Variants in INSRR observed in about 807,000 individuals in gnomAD.
INSRR encodes insulin receptor related receptor.
Under a neutral mutation model 130.0 loss-of-function variants are expected in INSRR, and 114 were observed. The ratio of observed to expected loss-of-function variants is 0.88; its 90% confidence interval spans 0.75 to 1.02. The LOEUF (loss-of-function observed/expected upper bound fraction) is 1.02, where lower values mean the gene tolerates loss of function less well. Among genes scored for constraint, INSRR ranks in the 50% least tolerant of loss-of-function variants. The probability of loss-of-function intolerance (pLI) is 0.00; values close to 1 mark genes in which losing one functional copy is unlikely to be tolerated. For synonymous variants in INSRR, 674 were observed against 705.2 expected (o/e 0.96, Z 0.70); for missense variants, 1,657 against 1,735.2 (o/e 0.95, Z 0.80).
intron 5 of INSRR, among the ~76,000 whole-genome samples, chr1:156,849,670 T>A (rs1405138436): frequency 7.9e-5 from 12 of 152,154 alleles, no homozygotes; most frequent in Admixed American, 7.9e-4. Context: ...TCACCCCATC[T>A]TTTGGTTTTC....
At position 156,858,864 on chromosome 1, in the gene INSRR, A is replaced by C; in HGVS notation, c.-243T>G. ...GAGAGACTCAGCATGAGATTGAGAG[A>C]TGGGGACAGAGATGCAGACAGTGAC... On this transcript the variant is annotated 5_prime_UTR_variant, in exon 1 of 22. Coordinates refer to ENST00000368195, the MANE Select transcript of INSRR (RefSeq NM_014215.3). 1 of 556,718 alleles carries C rather than the reference A, an allele frequency of 1.8e-6. No homozygotes were observed. Among genetic ancestry groups the C allele is most frequent in the South Asian group, 2.1e-5 (1 of 46,806 alleles). 34.5% of individuals were successfully genotyped at this position (556,718 alleles called of 1,614,324 possible).
rs999102344 is a variant in INSRR, at chr1:156,851,668, G to A, written c.1062C>T (p.Leu354=). ...GACAGCCCTGGCGAAGGTTGAGGAT[G>A]AGGCTTCCCTCCACATGCGTGCAGC... is the stretch of plus-strand genomic sequence containing the variant. ...LVGCTHVEGS[L]ILNLRQGYNL... Residue 354 remains leucine, a synonymous_variant, in exon 4 of 22, where the codon CTC becomes CTT. Coordinates refer to ENST00000368195, the MANE Select transcript of INSRR (RefSeq NM_014215.3). 3.1e-6 allele frequency: 5 copies of A among 1,614,092 alleles called. No individual in the cohort carries two copies. Among genetic ancestry groups the A allele is most frequent in the Non-Finnish European group, 4.2e-6 (5 of 1,180,030 alleles).
chr1:156,845,867 A>C, intron 9 of INSRR, 53 bp from the exon 10 acceptor site: 1 of 1,601,156 alleles, frequency 6.2e-7, no homozygotes, highest in South Asian at 1.1e-5. Flanking sequence ...CCCGCCTCTG[A>C]TCCCCCCCAC....
intron 1 of INSRR, among the ~76,000 whole-genome samples, chr1:156,856,992 C>T (rs1655426340): frequency 6.6e-6 from 1 of 152,154 alleles, no homozygotes; most frequent in African/African-American, 2.4e-5. Flanking sequence ...CCCACCGAGC[C>T]CTCCGGTGTT....
At chr1:156,848,693 A>G (rs1038938868) in intron 7 of INSRR, among the ~76,000 whole-genome samples, 2 of 152,236 alleles carry the variant, frequency 1.3e-5, no homozygotes, top group Non-Finnish European at 2.9e-5. Context: ...GGCTCTCAGA[A>G]GCCCTGTCTT....
rs1241059654 is a variant in INSRR, at chr1:156,851,765, C to T, written c.965G>A (p.Gly322Glu). ...TACCTTGCACTCTTTAGGGCACAGC[C>T]CCTCGCACTTGTGGCAGAATATGCT... ...SSSIFCHKCEGLCPKECKVGT... is the reference protein window; with the variant it reads ...SSSIFCHKCEELCPKECKVGT... Residue 322 changes from glycine (G) to glutamate (E), a missense_variant, in exon 4 of 22, where the codon GGG (glycine) becomes GAG (glutamate). Transcript: ENST00000368195. 1 of 1,611,478 alleles carries T rather than the reference C, an allele frequency of 6.2e-7. No individual in the cohort carries two copies. Among genetic ancestry groups the T allele is most frequent in the Non-Finnish European group, 8.5e-7 (1 of 1,177,808 alleles).
At position 156,846,130 on chromosome 1, in the gene INSRR, G is replaced by C; in HGVS notation, c.1811-11C>G. On this transcript the variant is annotated splice_polypyrimidine_tract_variant and intron_variant, in intron 8 of 21. Coordinates refer to ENST00000368195, the MANE Select transcript of INSRR (RefSeq NM_014215.3). ...GGGGCACCGTGGGAGCTAGGAGTGCGAGAAGGATGCAACTCAGGGGTGTGG... is the reference window on the plus strand; with the variant it reads ...GGGGCACCGTGGGAGCTAGGAGTGCCAGAAGGATGCAACTCAGGGGTGTGG... The C allele has an allele frequency of 6.3e-7, 1 of 1,576,138 alleles. No homozygotes were observed. The highest frequency in any genetic ancestry group is 8.6e-7 in the Non-Finnish European group (1 of 1,161,138).
chr1:156,846,620 T>A lies in INSRR; in HGVS notation c.1709A>T (p.Gln570Leu), dbSNP rs752530173. Residue 570 changes from glutamine to leucine, a missense_variant, in exon 8 of 22, where the codon CAG becomes CTG. By Grantham distance (113) the Gln-to-Leu change is moderately radical. Transcript: ENST00000368195. ...GATGGCCCGCACAAACACTGCGTAC[T>A]GTGTCCAAGGCTTGAGGGAGGCTAG... The part of the protein sequence containing the change: ...VTLASLKPWT[Q>L]YAVFVRAITL... The A allele has an allele frequency of 2.5e-6, 4 of 1,614,184 alleles. No homozygotes were observed. The highest frequency in any genetic ancestry group is 3.4e-6 in the Non-Finnish European group (4 of 1,180,024).
chr1:156,855,243 G>A (rs371082399), intron 1 of INSRR, among the ~76,000 whole-genome samples: 7 of 141,316 alleles, frequency 5.0e-5, no homozygotes, highest in African/African-American at 5.2e-5. Context: ...TCACTCTGTC[G>A]CCCAGGCTAG....
At chr1:156,852,680 A>G (rs1348983783) in intron 2 of INSRR, among the ~76,000 whole-genome samples, 2 of 152,224 alleles carry the variant, frequency 1.3e-5, no homozygotes, top group East Asian at 1.9e-4. Context: ...AGGTGGCTCC[A>G]AGCAGCAGTG....
rs146825319 is a variant in INSRR at position 156,843,208 on chromosome 1, C to A, written c.2922G>T (p.Val974=). 6.2e-6 allele frequency: 10 copies of A among 1,614,126 alleles called. No individual in the cohort carries two copies. In the East Asian group the frequency reaches 2.0e-4, roughly 32 times the overall value. ...GGATTATCGAGATCTGCTCCCGAGG[C>A]ACCTCCCATTCATCAGGGACATACA... ...SDMYVPDEWE[V]PREQISIIRE... is the part of the protein sequence containing the mutation. Residue 974 remains valine (V), a synonymous_variant, in exon 17 of 22, where the codon GTG becomes GTT. Coordinates refer to ENST00000368195, the MANE Select transcript of INSRR (RefSeq NM_014215.3).
rs866853678 is a variant in INSRR, at chr1:156,846,840, T to C, written c.1572-83A>G. The C allele has an allele frequency of 1.9e-5, 21 of 1,127,082 alleles. No homozygotes were observed. The Middle Eastern group carries it at 1.2e-3, about 66-fold the overall frequency. 69.8% of individuals were successfully genotyped at this position (1,127,082 alleles called of 1,614,324 possible). A position where few individuals can be genotyped will look rare whatever the true frequency, so the allele number is the denominator to read the frequency against. ...CCCCCGCTCTGAATCACCCCAGGAC[T>C]GTCATTGTCCTTCCAGTATGCATGA... On this transcript the variant is annotated intron_variant, in intron 7 of 21. Coordinates refer to ENST00000368195, the MANE Select transcript of INSRR (RefSeq NM_014215.3).
In INSRR at chr1:156,849,277, G is replaced by A; in HGVS notation, c.1413C>T (p.Ile471=). 3 of 1,613,972 alleles carry A rather than the reference G, an allele frequency of 1.9e-6. No homozygotes were observed. The East Asian group carries it at 6.7e-5, about 36-fold the overall frequency. Reference sequence around the variant, plus strand: ...CGCGGTCTCCGTTGGTGCGGGGGTTGATCTCAGCCTTGTTCTGCCGACCTC... The same window carrying A: ...CGCGGTCTCCGTTGGTGCGGGGGTTAATCTCAGCCTTGTTCTGCCGACCTC... ...GTRGRQNKAE[I]NPRTNGDRAA... The change falls in exon 6 of 22, where the codon ATC becomes ATT. Residue 471 remains isoleucine (I), a synonymous_variant. Coordinates refer to ENST00000368195, the MANE Select transcript of INSRR (RefSeq NM_014215.3).
chr1:156,841,239 G>T, intron 21 of INSRR, 135 bp from the exon 22 acceptor site: 2 of 950,070 alleles, frequency 2.1e-6, no homozygotes, highest in Non-Finnish European at 3.3e-6. Context: ...GGGATTAAAT[G>T]GGAGTCTTGG....
Position 156,843,015 on chromosome 1 carries a change from A to G in INSRR, c.3115T>C (p.Cys1039Arg). The change falls in exon 17 of 22, where the codon TGT (cysteine) becomes CGT (arginine). Residue 1039 changes from cysteine (C) to arginine (R), a missense_variant. By Grantham distance (180) the Cys-to-Arg change is radical. Coordinates refer to ENST00000368195, the MANE Select transcript of INSRR (RefSeq NM_014215.3). ...TGGCTCTCCCTTACCACATGGTGACACTTGAAGGCTTTCATGACAGAAGCT... is the reference window on the plus strand; with the variant it reads ...TGGCTCTCCCTTACCACATGGTGACGCTTGAAGGCTTTCATGACAGAAGCT... Reference protein sequence around the residue: ...KEASVMKAFKCHHVVRLLGVV... With the variant: ...KEASVMKAFKRHHVVRLLGVV... 1 of 1,613,156 alleles carries G rather than the reference A, an allele frequency of 6.2e-7. No homozygotes were observed.
Position 156,853,952 on chromosome 1 carries a change from T to C in INSRR, c.437A>G (p.Glu146Gly). ...RGAVRVEKNQ[E>G]LCHLSTIDWG... ...GTCAATGGTGGAGAGGTGGCAGAGC[T>C]CCTGGTTCTTCTCCACACGCACAGC... Residue 146 changes from glutamate (E) to glycine (G), a missense_variant, in exon 2 of 22, where the codon GAG becomes GGG. By Grantham distance (98) the Glu-to-Gly change is moderately conservative. Transcript: ENST00000368195. 1 of 1,613,316 alleles carries C rather than the reference T, an allele frequency of 6.2e-7. No homozygotes were observed.
chr1:156,845,089 G>A lies in INSRR; in HGVS notation c.2424C>T (p.Arg808=). The part of the protein sequence containing the change: ...GCSAATFVFA[R]TMPHREADGI... Reference sequence around the variant, plus strand: ...TGGATCACCTACTGTGGGGCATGGTGCGCGCAAAGACGAAGGTGGCGGCGC... The same window carrying A: ...TGGATCACCTACTGTGGGGCATGGTACGCGCAAAGACGAAGGTGGCGGCGC... Residue 808 remains arginine (R), a synonymous_variant, in exon 12 of 22, where the codon CGC becomes CGT. Coordinates refer to ENST00000368195, the MANE Select transcript of INSRR (RefSeq NM_014215.3). 1 of 1,608,440 alleles carries A rather than the reference G, an allele frequency of 6.2e-7. No homozygotes were observed. Among genetic ancestry groups the A allele is most frequent in the Non-Finnish European group, 8.5e-7 (1 of 1,178,002 alleles).
In INSRR at chr1:156,845,784, G is replaced by T; in HGVS notation, c.2009C>A (p.Pro670Gln). The part of the protein sequence containing the change: ...GLRLPTSNND[P>Q]RFDGEDGDPE... ...ATCCCCGTCTTCGCCGTCGAAGCGC[G>T]GATCGTTGTTGCTGGTGGGCAGCCG... The change falls in exon 10 of 22, where the codon CCG (proline) becomes CAG (glutamine). Residue 670 changes from proline to glutamine, a missense_variant. Physicochemically the swap from Pro to Gln is moderately conservative, Grantham distance 76. Transcript: ENST00000368195. 6.2e-7 allele frequency: 1 copy of T among 1,613,046 alleles called. No homozygotes were observed. The highest frequency in any genetic ancestry group is 8.5e-7 in the Non-Finnish European group (1 of 1,179,904).
rs201432218 is a variant in INSRR, at chr1:156,842,445, G to A, written c.3190C>T (p.Arg1064Cys). 8.9e-5 allele frequency: 144 copies of A among 1,613,996 alleles called. No individual in the cohort carries two copies. The highest frequency in any genetic ancestry group is 7.3e-4 in the Admixed American group (44 of 59,998). The change falls in exon 18 of 22, where the codon CGT becomes TGT. Residue 1064 changes from arginine (R) to cysteine (C), a missense_variant. Transcript: ENST00000368195. Reference protein sequence around the residue: ...PTLVIMELMTRGDLKSHLRSL... With the variant: ...PTLVIMELMTCGDLKSHLRSL... Reference sequence around the variant, plus strand: ...CGAAGATGGCTCTTGAGGTCCCCACGGGTCATTAACTCCATGATGACCAGA... The same window carrying A: ...CGAAGATGGCTCTTGAGGTCCCCACAGGTCATTAACTCCATGATGACCAGA...
Sources: gnomAD v4.1 joint callset for allele counts (sites outside exome capture counted in the v4.1 genomes callset) on GRCh38, gnomAD v4.1.1 for gene constraint, MANE v1.5 for transcripts, NCBI Gene and HGNC (gene_info 2026-07-23, HGNC 2026-07-21) for gene names.